The following NSMCE2 variants were observed in gnomAD, a reference collection of about 807,000 sequenced individuals.
NSMCE2 encodes E3 SUMO-protein ligase NSE2.
Under a neutral mutation model 23.8 loss-of-function variants are expected in NSMCE2, and 24 were observed. The observed-to-expected ratio is 1.01, with a 90% CI of 0.73 to 1.42. The LOEUF (loss-of-function observed/expected upper bound fraction) is 1.42, where lower values mean the gene tolerates loss of function less well. NSMCE2 is among the 40% of genes most tolerant of loss of function. The probability of loss-of-function intolerance (pLI) is 0.00; values close to 1 mark genes in which losing one functional copy is unlikely to be tolerated. For synonymous variants in NSMCE2, 92 were observed against 94.1 expected (o/e 0.98, Z 0.13); for missense variants, 284 against 296.5 (o/e 0.96, Z 0.31).
intron 5 of NSMCE2, among the ~76,000 whole-genome samples, chr8:125,356,333 T>TG (rs533091116): frequency 2.7e-4 from 39 of 143,420 alleles, no homozygotes; most frequent in Admixed American, 7.6e-4. Context: ...TTGGTTTTTT[T>TG]TTTTTTTTTT....
chr8:125,211,022 C>A (rs1326001054), intron 5 of NSMCE2, among the ~76,000 whole-genome samples: 2 of 152,142 alleles, frequency 1.3e-5, no homozygotes, highest in African/African-American at 4.8e-5. Flanking sequence ...TGTGAGCCAC[C>A]ATGCCTGGCC....
chr8:125,223,139 G>A (rs1824943891), intron 5 of NSMCE2, among the ~76,000 whole-genome samples: 1 of 151,776 alleles, frequency 6.6e-6, no homozygotes, highest in South Asian at 2.1e-4. Context: ...GCTGAGGCAG[G>A]CAGCTCAGGA....
chr8:125,138,182 G>C (rs1246302414), intron 3 of NSMCE2, among the ~76,000 whole-genome samples: 1 of 152,128 alleles, frequency 6.6e-6, no homozygotes, highest in East Asian at 1.9e-4. Flanking sequence ...GGAAGGGAGA[G>C]ATCTGGCTTA....
chr8:125,230,896 G>C (rs1021462342), intron 5 of NSMCE2, among the ~76,000 whole-genome samples: 22 of 152,144 alleles, frequency 1.4e-4, no homozygotes, highest in Non-Finnish European at 4.4e-5. Context: ...GACAGGTCAG[G>C]GTTTGCTTAC....
chr8:125,187,252 C>G (rs1435002589), intron 5 of NSMCE2, among the ~76,000 whole-genome samples: 1 of 152,110 alleles, frequency 6.6e-6, no homozygotes, highest in Non-Finnish European at 1.5e-5. Flanking sequence ...CAAGATTGAT[C>G]GAAGATAACT....
rs541639713 is a variant in NSMCE2 at position 125,178,784 on chromosome 8, G to C, written c.265-3319G>C. On this transcript the variant is annotated intron_variant, in intron 4 of 7. Coordinates refer to ENST00000287437, the MANE Select transcript of NSMCE2 (RefSeq NM_173685.4). ...ACTTGGGAGGCTGAGGCAGGAGAAT[G>C]GTGTGAACCCGGGAGGTGGAGCTTG... Among the ~76,000 whole-genome samples, 214 of 152,214 alleles carry C rather than the reference G, an allele frequency of 1.4e-3. 1 individual carries two copies. The highest frequency in any genetic ancestry group is 5.0e-3 in the African/African-American group (209 of 41,528).
intron 5 of NSMCE2, among the ~76,000 whole-genome samples, chr8:125,275,509 T>A (rs546088732): frequency 1.3e-5 from 2 of 152,292 alleles, no homozygotes; most frequent in East Asian, 3.9e-4. Flanking sequence ...TCTCTTCCTC[T>A]TACTGCCCTC....
intron 5 of NSMCE2, among the ~76,000 whole-genome samples, chr8:125,310,512 G>A (rs1315876564): frequency 1.3e-5 from 2 of 152,152 alleles, no homozygotes; most frequent in Non-Finnish European, 2.9e-5. Flanking sequence ...ATTCAATATG[G>A]TTTTCAAAAT....
chr8:125,341,865 T>C (rs1586796221), intron 5 of NSMCE2, among the ~76,000 whole-genome samples: 1 of 121,490 alleles, frequency 8.2e-6, no homozygotes, highest in African/African-American at 3.3e-5. Flanking sequence ...GGATCGAGAG[T>C]CCATGTGCAA....
At chr8:125,198,624 A>G (rs1248367271) in intron 5 of NSMCE2, among the ~76,000 whole-genome samples, 3 of 152,216 alleles carry the variant, frequency 2.0e-5, no homozygotes, top group East Asian at 1.9e-4. Context: ...ATCGATGTTC[A>G]TCAGAGATAT....
At chr8:125,338,193 T>C (rs1055407012) in intron 5 of NSMCE2, among the ~76,000 whole-genome samples, 31 of 151,976 alleles carry the variant, frequency 2.0e-4, no homozygotes, top group African/African-American at 7.5e-4. Flanking sequence ...TTTCAGTCAT[T>C]CTGGTGCCCT....
intron 3 of NSMCE2, among the ~76,000 whole-genome samples, chr8:125,110,752 G>GGTT (rs1289341239): frequency 7.4e-5 from 10 of 135,922 alleles, no homozygotes; most frequent in African/African-American, 2.3e-4. Flanking sequence ...AGATAATTTT[G>GGTT]GTTGTTGTTG....
At chr8:125,104,668 C>G (rs991643920) in intron 3 of NSMCE2, among the ~76,000 whole-genome samples, 1 of 152,146 alleles carries the variant, frequency 6.6e-6, no homozygotes, top group Non-Finnish European at 1.5e-5. Flanking sequence ...TGCATAGCTC[C>G]CTCACTCTCT....
At chr8:125,262,716 CT>C (rs1199656282) in intron 5 of NSMCE2, among the ~76,000 whole-genome samples, 1 of 152,052 alleles carries the variant, frequency 6.6e-6, no homozygotes, top group Non-Finnish European at 1.5e-5. Context: ...TAAAAACTCA[CT>C]GGTAGGCTGT....
At chr8:125,291,842 A>G (rs545337773) in intron 5 of NSMCE2, among the ~76,000 whole-genome samples, 336 of 152,274 alleles carry the variant, frequency 2.2e-3, no homozygotes, top group African/African-American at 7.7e-3. Flanking sequence ...TTTCTATATA[A>G]ACAACTCCAA....
At chr8:125,358,389 T>C (rs1563804725) in intron 7 of NSMCE2, among the ~76,000 whole-genome samples, 5 of 151,730 alleles carry the variant, frequency 3.3e-5, no homozygotes. Context: ...ATAAATTATT[T>C]TTTTAATTGG....
At chr8:125,113,055 A>C (rs1360281211) in intron 3 of NSMCE2, among the ~76,000 whole-genome samples, 1 of 98,958 alleles carries the variant, frequency 1.0e-5, no homozygotes, top group Non-Finnish European at 1.8e-5. Context: ...ATTAACAGAA[A>C]ATGGGGGGGG....
At chr8:125,141,983 G>A (rs762260587) in intron 3 of NSMCE2, among the ~76,000 whole-genome samples, 2 of 152,152 alleles carry the variant, frequency 1.3e-5, no homozygotes, top group Non-Finnish European at 2.9e-5. Context: ...CATTATTGCA[G>A]TCTTGTGAGT....
In NSMCE2 at chr8:125,278,673, G is replaced by T. The variant is rs1478128698; in HGVS notation, c.419-78546G>T. 2.6e-5 allele frequency among the ~76,000 whole-genome samples: 4 copies of T among 152,160 alleles called. No individual in the cohort carries two copies. The East Asian group carries it at 7.7e-4, about 29-fold the overall frequency. ...AGATTTTTGGTATGCTTTTGCTTTGGTCAAGAGGGTCTTCTTTTTTCTTTC... is the reference window on the plus strand; with the variant it reads ...AGATTTTTGGTATGCTTTTGCTTTGTTCAAGAGGGTCTTCTTTTTTCTTTC... On this transcript the variant is annotated intron_variant, in intron 5 of 7. Transcript: ENST00000287437.
Sources: allele counts gnomAD v4.1 joint callset (sites outside exome capture counted in the v4.1 genomes callset), GRCh38; gene constraint gnomAD v4.1.1; transcripts MANE v1.5; gene names NCBI Gene and HGNC (gene_info 2026-07-23, HGNC 2026-07-21).